FAM83H: variants seen among roughly 807,000 people sequenced by gnomAD.
The protein encoded by FAM83H is protein FAM83H.
In FAM83H, 24 loss-of-function variants were observed where a neutral mutation model predicts 30.2. That is an observed-to-expected ratio of 0.79 (90% CI 0.57 to 1.12). FAM83H has a LOEUF of 1.12. Ranked by LOEUF, FAM83H falls within the 50% of genes most tolerant of loss-of-function variation. The probability of loss-of-function intolerance (pLI) is 0.00; values close to 1 mark genes in which losing one functional copy is unlikely to be tolerated. For synonymous variants in FAM83H, 1,013 were observed against 821.7 expected (o/e 1.23, Z -3.98); for missense variants, 2,038 against 1,773.9 (o/e 1.15, Z -2.67).
Position 143,727,205 on chromosome 8 carries a change from C to T in FAM83H, c.2256G>A (p.Ala752=), listed in dbSNP as rs1484639082. The T allele has an allele frequency of 3.3e-6, 5 of 1,533,342 alleles. No homozygotes were observed. The highest frequency in any genetic ancestry group is 4.4e-6 in the Non-Finnish European group (5 of 1,145,386). 95.0% of individuals were successfully genotyped at this position (1,533,342 alleles called of 1,614,324 possible). A position where few individuals can be genotyped will look rare whatever the true frequency, so the allele number is the denominator to read the frequency against. Residue 752 remains alanine, a synonymous_variant, in exon 5 of 5, where the codon GCG becomes GCA. Transcript: ENST00000388913. ...TGTGGCTGGCAACGGTGATGGCGCC[C>T]GCGCCGCCGCCGGGATCACGGGCTG... ...KGPARDPGGG[A]GAITVASHSK...
intron 1 of FAM83H, 29 bp from the exon 2 acceptor site, chr8:143,730,626 G>A: frequency 6.9e-7 from 1 of 1,453,392 alleles, no homozygotes. Context: ...ACATGACTAG[G>A]GGTGGGGGCA....
intron 1 of FAM83H, chr8:143,732,175 T>TG: frequency 1.0e-6 from 1 of 985,380 alleles, no homozygotes; most frequent in Non-Finnish European, 1.2e-6. Flanking sequence ...CTGGTGCCCC[T>TG]GGGGGTGACA....
chr8:143,727,660 G>A lies in FAM83H; in HGVS notation c.1801C>T (p.Pro601Ser). 1.9e-6 allele frequency: 3 copies of A among 1,572,608 alleles called. No individual in the cohort carries two copies. The highest frequency in any genetic ancestry group is 1.8e-4 in the Middle Eastern group (1 of 5,466). The change falls in exon 5 of 5, where the codon CCG becomes TCG. Residue 601 changes from proline to serine, a missense_variant. Pro to Ser is a moderately conservative substitution (Grantham distance 74). Transcript: ENST00000388913. ...HGEDGGDDGL[P>S]APMEAEAYED... ...TAAGCCTCCGCTTCCATGGGCGCCG[G>A]TAGGCCGTCGTCGCCCCCATCCTCG...
Position 143,729,065 on chromosome 8 carries a change from G to A in FAM83H, c.639C>T (p.Gly213=). The change falls in exon 4 of 5, where the codon GGC becomes GGT. Residue 213 remains glycine (G), a synonymous_variant. Transcript: ENST00000388913. ...TCCCAGTGCGGCAGTAGTAGGTGGG[G>A]CCCGCCACAGTCCGTACGCGCAGGA... is the stretch of plus-strand genomic sequence containing the variant. The part of the protein sequence containing the change: ...VDFLRVRTVA[G]PTYYCRTGKS... The A allele has an allele frequency of 6.2e-7, 1 of 1,613,360 alleles. No homozygotes were observed. Among genetic ancestry groups the A allele is most frequent in the Non-Finnish European group, 8.5e-7 (1 of 1,180,002 alleles).
At position 143,727,112 on chromosome 8, in the gene FAM83H, G is replaced by A. The variant is rs781849524; in HGVS notation, c.2349C>T (p.Arg783=). The A allele has an allele frequency of 8.7e-5, 133 of 1,535,764 alleles. No individual in the cohort carries two copies. The highest frequency in any genetic ancestry group is 1.1e-4 in the Non-Finnish European group (126 of 1,147,110). The change falls in exon 5 of 5, where the codon CGC becomes CGT. Residue 783 remains arginine (R), a synonymous_variant. Transcript: ENST00000388913. ...VAAPGAVGGE[R]RSLESCLLDL... ...CCAGCAGGCAGCTCTCGAGGCTGCG[G>A]CGCTCGCCCCCCACGGCACCTGGGG...
chr8:143,732,305 GC>G, intron 1 of FAM83H: 2 of 985,426 alleles, frequency 2.0e-6, no homozygotes, highest in Non-Finnish European at 2.4e-6. Context: ...GACATATGGG[GC>G]TGGTTAGGGC....
rs781806099 is a variant in FAM83H, at chr8:143,728,627, G to A, written c.834C>T (p.Phe278=). 9.9e-6 allele frequency: 16 copies of A among 1,609,404 alleles called. No homozygotes were observed. Among genetic ancestry groups the A allele is most frequent in the African/African-American group, 2.7e-5 (2 of 75,046 alleles). The change falls in exon 5 of 5, where the codon TTC becomes TTT. Residue 278 remains phenylalanine, a synonymous_variant. Coordinates refer to ENST00000388913, the MANE Select transcript of FAM83H (RefSeq NM_198488.5). ...SSFDEEFRIL[F]AQSEPLVPSA... ...AGGGCACAAGCGGCTCGGACTGCGC[G>A]AAGAGGATGCGGAACTCCTCGTCGA...
At position 143,728,090 on chromosome 8, in the gene FAM83H, C is replaced by T; in HGVS notation, c.1371G>A (p.Gln457=). Residue 457 remains glutamine, a synonymous_variant, in exon 5 of 5, where the codon CAG becomes CAA. Coordinates refer to ENST00000388913, the MANE Select transcript of FAM83H (RefSeq NM_198488.5). ...GCGTGAGCTGCGGGTCCCACTGGTA[C>T]TGCTGCTGGTAGAGCTGGTCACGGT... is the stretch of plus-strand genomic sequence containing the variant. ...HFHRDQLYQQ[Q]YQWDPQLTPA... is the part of the protein sequence containing the mutation. 4 of 1,610,938 alleles carry T rather than the reference C, an allele frequency of 2.5e-6. No homozygotes were observed. Among genetic ancestry groups the T allele is most frequent in the Non-Finnish European group, 3.4e-6 (4 of 1,179,262 alleles).
At chr8:143,730,641 G>A (rs1818485091) in intron 1 of FAM83H, 44 bp from the exon 2 acceptor site, 1 of 1,324,392 alleles carries the variant, frequency 7.6e-7, no homozygotes, top group Non-Finnish European at 1.0e-6. Flanking sequence ...GGGGCACTGG[G>A]ACCACTCCTA....
Position 143,733,674 on chromosome 8 carries a change from G to A in FAM83H, c.-16+17C>T, listed in dbSNP as rs1245034987. On this transcript the variant is annotated intron_variant, in intron 1 of 4. Transcript: ENST00000388913. This position sits in a 1 kb window ranked among gnomAD's most constrained non-coding sequence, Gnocchi z 5.6. ...GCCTCGCCCCGCCCCGCTCGGGCCG[G>A]GGGAGGGGGGCCCTACCTGGCCAGG... 1 of 150,362 alleles carries A rather than the reference G, an allele frequency of 6.7e-6. No individual in the cohort carries two copies. Among genetic ancestry groups the A allele is most frequent in the Non-Finnish European group, 1.5e-5 (1 of 67,368 alleles). 9.3% of individuals were successfully genotyped at this position (150,362 alleles called of 1,614,324 possible). A position where few individuals can be genotyped will look rare whatever the true frequency, so the allele number is the denominator to read the frequency against.
chr8:143,730,672 GT>G (rs1156409443), intron 1 of FAM83H, 75 bp from the exon 2 acceptor site: 2 of 1,090,590 alleles, frequency 1.8e-6, no homozygotes, highest in Non-Finnish European at 2.5e-6. Context: ...TGGACACACT[GT>G]GGAAAGGGCC....
chr8:143,726,390 G>C lies in FAM83H; in HGVS notation c.3071C>G (p.Ser1024Cys). 6.2e-7 allele frequency: 1 copy of C among 1,608,966 alleles called. No individual in the cohort carries two copies. Among genetic ancestry groups the C allele is most frequent in the Non-Finnish European group, 8.5e-7 (1 of 1,178,968 alleles). ...GTACAAGGCGTTGGCCGTGGCTGAG[G>C]ACAGGCGCGCCCGCGGACCCCGCTC... is the stretch of plus-strand genomic sequence containing the variant. ...TEERGPRARL[S>C]SATANALYSS... The change falls in exon 5 of 5, where the codon TCC becomes TGC. Residue 1024 changes from serine (S) to cysteine (C), a missense_variant. Coordinates refer to ENST00000388913, the MANE Select transcript of FAM83H (RefSeq NM_198488.5).
Position 143,726,842 on chromosome 8 carries a change from C to G in FAM83H, c.2619G>C (p.Ser873=). ...LHNESKGSPT[S]AYPERKGSPT... is the part of the protein sequence containing the mutation. ...GGCTCCCCTTCCGCTCAGGGTAAGC[C>G]GAGGTGGGGCTCCCTTTTGACTCAT... Residue 873 remains serine, a synonymous_variant, in exon 5 of 5, where the codon TCG becomes TCC. Transcript: ENST00000388913. The G allele has an allele frequency of 6.2e-7, 1 of 1,612,886 alleles. No individual in the cohort carries two copies. The highest frequency in any genetic ancestry group is 1.7e-5 in the Admixed American group (1 of 59,996).
rs1818396290 is a variant in FAM83H, at chr8:143,728,522, C to G, written c.939G>C (p.Gly313=). Residue 313 remains glycine, a synonymous_variant, in exon 5 of 5, where the codon GGG becomes GGC. Coordinates refer to ENST00000388913, the MANE Select transcript of FAM83H (RefSeq NM_198488.5). ...AGAGPLVGVP[G]VGAPTPFSFP... Reference sequence around the variant, plus strand: ...AGGAGAAGGGGGTTGGCGCCCCGACCCCAGGGACGCCCACGAGAGGCCCGG... The same window carrying G: ...AGGAGAAGGGGGTTGGCGCCCCGACGCCAGGGACGCCCACGAGAGGCCCGG... 1 of 1,561,944 alleles carries G rather than the reference C, an allele frequency of 6.4e-7. No homozygotes were observed. Among genetic ancestry groups the G allele is most frequent in the African/African-American group, 1.4e-5 (1 of 73,638 alleles).
chr8:143,730,357 G>A lies in FAM83H; in HGVS notation c.226C>T (p.Arg76Ter), dbSNP rs1818470798. The change falls in exon 2 of 5, where the codon CGA becomes TGA. Residue 76 changes from arginine (R) to a stop codon, truncating the protein, a stop_gained. Coordinates refer to ENST00000388913, the MANE Select transcript of FAM83H (RefSeq NM_198488.5). LOFTEE classifies it high-confidence loss of function. ...AGAAGGCTGCCTTCAGGTGGCTCTC[G>A]GGTAACATACTGCGGAGGCCGAAGG... ...RHLRPPQYVTREPPEGSLLDV... is the reference protein window; with the variant it reads ...RHLRPPQYVT 4 of 1,613,642 alleles carry A rather than the reference G, an allele frequency of 2.5e-6. No homozygotes were observed. The highest frequency in any genetic ancestry group is 1.7e-5 in the Admixed American group (1 of 60,028).
Position 143,728,727 on chromosome 8 carries a change from T to C in FAM83H, c.738-4A>G, listed in dbSNP as rs782339806. On this transcript the variant is annotated splice_region_variant and splice_polypyrimidine_tract_variant and intron_variant, in intron 4 of 4. Coordinates refer to ENST00000388913, the MANE Select transcript of FAM83H (RefSeq NM_198488.5). ...CTTCTCAAAGGACCACATGAAGCTGTGGGGGGGTCAGGGCCAGAGTCAAAC... is the reference window on the plus strand; with the variant it reads ...CTTCTCAAAGGACCACATGAAGCTGCGGGGGGGTCAGGGCCAGAGTCAAAC... 9 of 1,598,392 alleles carry C rather than the reference T, an allele frequency of 5.6e-6. No individual in the cohort carries two copies. The highest frequency in any genetic ancestry group is 6.8e-6 in the Non-Finnish European group (8 of 1,179,750).
rs9969456 is a variant in FAM83H at position 143,729,108 on chromosome 8, G to C, written c.613-17C>G. The C allele has an allele frequency of 1.9e-6, 3 of 1,613,332 alleles. No homozygotes were observed. The highest frequency in any genetic ancestry group is 2.5e-6 in the Non-Finnish European group (3 of 1,179,952). ...GCGCAGGAACTGGGGAGGGAGGGGA[G>C]TCAGATCTCTCCCACGGGTCCTCCC... On this transcript the variant is annotated splice_polypyrimidine_tract_variant and intron_variant, in intron 3 of 4. Transcript: ENST00000388913.
intron 1 of FAM83H, chr8:143,732,389 G>C (rs1818555677): frequency 1.0e-6 from 1 of 985,222 alleles, no homozygotes; most frequent in African/African-American, 1.7e-5. Flanking sequence ...TGTCTGGCTG[G>C]GCCGAGGAGC....
rs1479058989 is a variant in FAM83H, at chr8:143,730,299, T to C, written c.284A>G (p.Tyr95Cys). 2 of 1,613,406 alleles carry C rather than the reference T, an allele frequency of 1.2e-6. No individual in the cohort carries two copies. Among genetic ancestry groups the C allele is most frequent in the Middle Eastern group, 3.3e-4 (2 of 6,084 alleles). Residue 95 changes from tyrosine to cysteine, a missense_variant, in exon 2 of 5, where the codon TAC (tyrosine) becomes TGC (cysteine). Physicochemically the swap from Tyr to Cys is radical, Grantham distance 194. Transcript: ENST00000388913. ...GGCCTGGTCTGAGTTCACTGGCCAG[T>C]ATGTACCCGAGGAGCCATCCATGTC... Reference protein sequence around the residue: ...DVDMDGSSGTYWPVNSDQAVP... With the variant: ...DVDMDGSSGTCWPVNSDQAVP...
Sources: allele counts gnomAD v4.1 joint callset, GRCh38; gene constraint gnomAD v4.1.1; non-coding constraint Gnocchi (gnomAD v3.1); transcripts MANE v1.5; gene names NCBI Gene and HGNC (gene_info 2026-07-23, HGNC 2026-07-21).